Variants in NRXN3 observed in about 807,000 individuals in gnomAD.
The protein encoded by NRXN3 is neurexin III.
In NRXN3, 32 loss-of-function variants were observed where a neutral mutation model predicts 137.6. That is an observed-to-expected ratio of 0.23 (90% CI 0.18 to 0.31). NRXN3 has a LOEUF of 0.31. NRXN3 is among the 10% of genes least tolerant of loss of function. NRXN3 has a pLI of 1.00. For synonymous variants in NRXN3, 798 were observed against 784.5 expected (o/e 1.02, Z -0.29); for missense variants, 1,574 against 2,062.5 (o/e 0.76, Z 4.59).
intron 15 of NRXN3, among the ~76,000 whole-genome samples, chr14:79,227,783 T>TTCCTTCCTTCCC (rs1568684499): frequency 2.3e-5 from 2 of 88,356 alleles, no homozygotes; most frequent in Admixed American, 2.7e-4. Flanking sequence ...CCTTCCTTCC[T>TTCCTTCCTTCCC]TCCCTCCTCC....
intron 10 of NRXN3, among the ~76,000 whole-genome samples, chr14:78,904,213 C>A (rs2099207381): frequency 6.6e-6 from 1 of 151,996 alleles, no homozygotes; most frequent in Admixed American, 6.6e-5. Context: ...GGCAATTTTT[C>A]TTCTTGGGAT....
chr14:79,348,620 G>T (rs569759605), intron 15 of NRXN3, among the ~76,000 whole-genome samples: 45 of 152,064 alleles, frequency 3.0e-4, no homozygotes, highest in Admixed American at 2.8e-3. Context: ...CTCGTGATCC[G>T]CCCACCTCGG....
chr14:79,002,366 C>G (rs894779640), intron 15 of NRXN3, among the ~76,000 whole-genome samples: 5 of 152,108 alleles, frequency 3.3e-5, no homozygotes, highest in Non-Finnish European at 5.9e-5. Flanking sequence ...GCTCTCCCTC[C>G]TCTGATCCTA....
At chr14:79,400,227 T>C (rs2095154228) in intron 15 of NRXN3, among the ~76,000 whole-genome samples, 1 of 152,238 alleles carries the variant, frequency 6.6e-6, no homozygotes, top group Non-Finnish European at 1.5e-5. Flanking sequence ...GGTTATTTTA[T>C]GGGATTCATT....
chr14:79,550,429 C>T (rs559410954), intron 16 of NRXN3, among the ~76,000 whole-genome samples: 1 of 152,278 alleles, frequency 6.6e-6, no homozygotes, highest in African/African-American at 2.4e-5. Flanking sequence ...ATCACAGCAC[C>T]TTCTTGCTGC....
At chr14:79,268,142 C>T (rs2078725190) in intron 15 of NRXN3, among the ~76,000 whole-genome samples, 1 of 152,158 alleles carries the variant, frequency 6.6e-6, no homozygotes, top group Non-Finnish European at 1.5e-5. Context: ...AAAACATTTA[C>T]TCCCATGGAA....
chr14:78,317,959 G>A (rs1260529977), intron 4 of NRXN3, among the ~76,000 whole-genome samples: 2 of 152,136 alleles, frequency 1.3e-5, no homozygotes, highest in Non-Finnish European at 2.9e-5. Flanking sequence ...CTGGATATTT[G>A]ACTCCAAATT....
At chr14:78,479,141 A>T (rs1395164616) in intron 4 of NRXN3, among the ~76,000 whole-genome samples, 1 of 152,218 alleles carries the variant, frequency 6.6e-6, no homozygotes, top group Admixed American at 6.5e-5. Flanking sequence ...CATCTTGGCT[A>T]CACATTAGAA....
At chr14:78,642,585 G>A (rs996909029) in intron 4 of NRXN3, among the ~76,000 whole-genome samples, 3 of 152,092 alleles carry the variant, frequency 2.0e-5, no homozygotes, top group African/African-American at 2.4e-5. Flanking sequence ...TACCACTTGC[G>A]GTGCCAAGGA....
chr14:78,482,302 T>C (rs1217709032), intron 4 of NRXN3, among the ~76,000 whole-genome samples: 1 of 152,216 alleles, frequency 6.6e-6, no homozygotes, highest in Admixed American at 6.5e-5. Flanking sequence ...TGTTTATCAC[T>C]CCTTTGATCT....
chr14:78,909,437 A>G (rs2099229941), intron 10 of NRXN3, among the ~76,000 whole-genome samples: 1 of 152,194 alleles, frequency 6.6e-6, no homozygotes, highest in African/African-American at 2.4e-5. Context: ...TGAGAAAGCC[A>G]AATTTTTAGC....
chr14:79,081,473 G>A (rs973783119), intron 15 of NRXN3, among the ~76,000 whole-genome samples: 5 of 152,096 alleles, frequency 3.3e-5, no homozygotes, highest in African/African-American at 1.2e-4. Context: ...AAGCAGCCAG[G>A]TGTGGTGGCA....
intron 15 of NRXN3, among the ~76,000 whole-genome samples, chr14:79,287,266 A>G (rs1441390785): frequency 4.6e-5 from 7 of 152,160 alleles, no homozygotes. Context: ...TCAGCTTGTG[A>G]TTTTTGGTAA....
At chr14:78,517,441 C>T (rs1421165239) in intron 4 of NRXN3, among the ~76,000 whole-genome samples, 2 of 152,082 alleles carry the variant, frequency 1.3e-5, no homozygotes, top group Non-Finnish European at 2.9e-5. Context: ...GGTTACAGCA[C>T]AGTTACAGAG....
At chr14:78,796,811 AACAATAAGGTACTCTT>A (rs1320668798) in intron 8 of NRXN3, among the ~76,000 whole-genome samples, 1 of 152,162 alleles carries the variant, frequency 6.6e-6, no homozygotes, top group Non-Finnish European at 1.5e-5. Context: ...ACACTGGCTG[AACAATAAGGTACTCTT>A]ACTCAGGTGC....
In NRXN3 at chr14:79,132,441, A is replaced by G. The variant is rs552954852; in HGVS notation, c.3262+144300A>G. Among the ~76,000 whole-genome samples the G allele has an allele frequency of 2.6e-5, 4 of 152,334 alleles. No individual in the cohort carries two copies. The East Asian group carries it at 7.7e-4, about 29-fold the overall frequency. On this transcript the variant is annotated intron_variant, in intron 15 of 20. Transcript: ENST00000335750. ...TAGGATGTAAAATAGCACATTTACA[A>G]TTTTAAATTTTGATCACATTTTGAA... is the stretch of plus-strand genomic sequence containing the variant.
At chr14:78,497,546 G>A (rs2095805507) in intron 4 of NRXN3, among the ~76,000 whole-genome samples, 1 of 152,050 alleles carries the variant, frequency 6.6e-6, no homozygotes, top group African/African-American at 2.4e-5. Flanking sequence ...TCCTGCTGTA[G>A]ATCTGTGTAG....
intron 1 of NRXN3, among the ~76,000 whole-genome samples, chr14:78,211,509 G>A (rs1248151984): frequency 6.6e-6 from 1 of 152,198 alleles, no homozygotes; most frequent in South Asian, 2.1e-4. Flanking sequence ...TCAGGCAGCT[G>A]AGCCTTGCAT....
At chr14:79,857,473 C>T (rs914970957) in intron 20 of NRXN3, among the ~76,000 whole-genome samples, 6 of 152,146 alleles carry the variant, frequency 3.9e-5, no homozygotes, top group South Asian at 2.1e-4. Context: ...CCGCCTGCCT[C>T]GGCCTCCCAA....
Sources: allele counts gnomAD v4.1 joint callset (sites outside exome capture counted in the v4.1 genomes callset), GRCh38; gene constraint gnomAD v4.1.1; transcripts MANE v1.5; gene names NCBI Gene and HGNC (gene_info 2026-07-23, HGNC 2026-07-21).